KIAA0825: variants seen among roughly 807,000 people sequenced by gnomAD.
The protein encoded by KIAA0825 is KIAA0825.
Under a neutral mutation model 147.6 loss-of-function variants are expected in KIAA0825, and 119 were observed. The observed-to-expected ratio is 0.81, with a 90% CI of 0.69 to 0.94. The LOEUF is 0.94. Among genes scored for constraint, KIAA0825 ranks in the 40% least tolerant of loss-of-function variants. The pLI, the probability that KIAA0825 is intolerant of heterozygous loss-of-function variation, is 0.00. For synonymous variants in KIAA0825, 470 were observed against 518.1 expected (o/e 0.91, Z 1.26); for missense variants, 1,381 against 1,472.7 (o/e 0.94, Z 1.02).
At position 94,470,091 on chromosome 5, in the gene KIAA0825, A is replaced by G; in HGVS notation, c.1742T>C (p.Val581Ala). ...GTTGATGAATTCCTGATATCGTTGG[A>G]CAAGCACCAGGAATATGGGTCTGTT... ...MTKKPIFLVL[V>A]QRYQEFINTL... is the part of the protein sequence containing the mutation. The change falls in exon 10 of 21, where the codon GTC (valine) becomes GCC (alanine). Residue 581 changes from valine (V) to alanine (A), a missense_variant. Val to Ala is a moderately conservative substitution (Grantham distance 64). Coordinates refer to ENST00000682413, the MANE Select transcript of KIAA0825 (RefSeq NM_001145678.3). 2 of 1,551,544 alleles carry G rather than the reference A, an allele frequency of 1.3e-6. No individual in the cohort carries two copies. Among genetic ancestry groups the G allele is most frequent in the South Asian group, 2.4e-5 (2 of 84,044 alleles).
chr5:94,348,576 C>T (rs530072969), intron 20 of KIAA0825, among the ~76,000 whole-genome samples: 4 of 152,088 alleles, frequency 2.6e-5, no homozygotes, highest in Non-Finnish European at 5.9e-5. Flanking sequence ...AGGAGACTCA[C>T]CTAGCACATA....
chr5:94,229,528 T>C (rs1774502702), intron 20 of KIAA0825, among the ~76,000 whole-genome samples: 1 of 151,060 alleles, frequency 6.6e-6, no homozygotes, highest in Non-Finnish European at 1.5e-5. Context: ...TGGTATTAGA[T>C]GTTTGGTAAT....
chr5:94,241,107 C>T (rs1204255412), intron 20 of KIAA0825, among the ~76,000 whole-genome samples: 1 of 152,172 alleles, frequency 6.6e-6, no homozygotes, highest in Non-Finnish European at 1.5e-5. Flanking sequence ...AAGTCCATCC[C>T]TGTTTTCTTT....
At chr5:94,418,611 T>G (rs1192995217) in intron 14 of KIAA0825, among the ~76,000 whole-genome samples, 2 of 151,998 alleles carry the variant, frequency 1.3e-5, no homozygotes. Flanking sequence ...TGGGCAGGTA[T>G]CCAATGAGAA....
At chr5:94,258,692 A>G (rs1562338162) in intron 20 of KIAA0825, among the ~76,000 whole-genome samples, 1 of 152,074 alleles carries the variant, frequency 6.6e-6, no homozygotes. Flanking sequence ...TCAGGTCTAC[A>G]TCACTGAAAA....
At chr5:94,270,499 A>G (rs1163404180) in intron 20 of KIAA0825, among the ~76,000 whole-genome samples, 1 of 152,074 alleles carries the variant, frequency 6.6e-6, no homozygotes, top group African/African-American at 2.4e-5. Context: ...CTACCCACAG[A>G]GACTGGAACA....
chr5:94,569,473 C>T (rs767640867), intron 2 of KIAA0825: 37 of 409,956 alleles, frequency 9.0e-5, no homozygotes, highest in Non-Finnish European at 1.4e-4. Flanking sequence ...TCATTATTCT[C>T]GCACGGACTA....
chr5:94,564,082 G>C (rs1426731516), intron 2 of KIAA0825, among the ~76,000 whole-genome samples: 2 of 152,068 alleles, frequency 1.3e-5, no homozygotes, highest in African/African-American at 2.4e-5. Context: ...TCCTATACTT[G>C]ACACTAGTTC....
intron 5 of KIAA0825, among the ~76,000 whole-genome samples, chr5:94,493,254 T>C (rs1763936052): frequency 6.6e-6 from 1 of 152,188 alleles, no homozygotes; most frequent in Admixed American, 6.5e-5. Context: ...ACTCTTCCCA[T>C]TTCATAAAAT....
At chr5:94,593,996 G>C (rs1784813000) in intron 1 of KIAA0825, 2 of 494,372 alleles carry the variant, frequency 4.0e-6, no homozygotes, top group Non-Finnish European at 8.1e-6. Context: ...CTTCCATTCA[G>C]AATTTTTAAC....
intron 1 of KIAA0825, among the ~76,000 whole-genome samples, chr5:94,603,263 C>T (rs180911948): frequency 1.7e-3 from 258 of 152,220 alleles, no homozygotes; most frequent in African/African-American, 5.4e-3. Context: ...ATACTGGGGG[C>T]CAATATTTAG....
chr5:94,231,966 G>A (rs1257120591), intron 20 of KIAA0825, among the ~76,000 whole-genome samples: 2 of 152,044 alleles, frequency 1.3e-5, no homozygotes, highest in African/African-American at 2.4e-5. Flanking sequence ...ACTACAACCC[G>A]ATTGTCCAAA....
chr5:94,407,249 AG>A (rs1310092707), intron 15 of KIAA0825, among the ~76,000 whole-genome samples: 2 of 152,188 alleles, frequency 1.3e-5, no homozygotes, highest in Non-Finnish European at 2.9e-5. Context: ...GCTCTGTGCA[AG>A]CAGGATGTAA....
chr5:94,349,727 C>T (rs189459963), intron 20 of KIAA0825, among the ~76,000 whole-genome samples: 31 of 152,198 alleles, frequency 2.0e-4, no homozygotes, highest in Middle Eastern at 3.4e-3. Flanking sequence ...TAAAATTCTT[C>T]GAACTGAATG....
intron 20 of KIAA0825, among the ~76,000 whole-genome samples, chr5:94,278,515 G>C (rs1398696298): frequency 6.6e-6 from 1 of 151,794 alleles, no homozygotes; most frequent in African/African-American, 2.4e-5. Flanking sequence ...GTATCTATGT[G>C]TTTTGTGATA....
intron 20 of KIAA0825, among the ~76,000 whole-genome samples, chr5:94,222,354 G>C (rs983847561): frequency 1.3e-5 from 2 of 152,190 alleles, no homozygotes; most frequent in Admixed American, 6.5e-5. Flanking sequence ...AAGAAAAGAA[G>C]AGGAGAGAGG....
intron 20 of KIAA0825, among the ~76,000 whole-genome samples, chr5:94,350,703 A>G (rs1314972989): frequency 2.0e-5 from 3 of 152,214 alleles, no homozygotes; most frequent in African/African-American, 7.2e-5. Context: ...ATAGATGCAG[A>G]AACAGCATTT....
intron 20 of KIAA0825, among the ~76,000 whole-genome samples, chr5:94,380,149 G>T (rs1170422093): frequency 1.3e-5 from 2 of 152,056 alleles, no homozygotes; most frequent in African/African-American, 4.8e-5. Flanking sequence ...CACCGTGCCT[G>T]GCCGATACTT....
chr5:94,242,476 C>G (rs1362319100), intron 20 of KIAA0825, among the ~76,000 whole-genome samples: 1 of 152,170 alleles, frequency 6.6e-6, no homozygotes, highest in African/African-American at 2.4e-5. Context: ...GACCTCAGCC[C>G]TCATTCTGAA....
Sources: gnomAD v4.1 joint callset for allele counts (sites outside exome capture counted in the v4.1 genomes callset) on GRCh38, gnomAD v4.1.1 for gene constraint, MANE v1.5 for transcripts, NCBI Gene and HGNC (gene_info 2026-07-23, HGNC 2026-07-21) for gene names.